CNTN4: variants seen among roughly 807,000 people sequenced by gnomAD.
CNTN4 encodes the protein contactin-4.
In CNTN4, 77 loss-of-function variants were observed where a neutral mutation model predicts 122.5. The observed-to-expected ratio is 0.63, with a 90% confidence interval of 0.52 to 0.76. The LOEUF (loss-of-function observed/expected upper bound fraction) is 0.76, where lower values mean the gene tolerates loss of function less well. CNTN4 is among the 30% of genes least tolerant of loss of function. The pLI, the probability that CNTN4 is intolerant of heterozygous loss-of-function variation, is 0.00. For missense variants in CNTN4, 1,256 were observed against 1,259.1 expected, an observed-to-expected ratio of 1.00 and a Z score of 0.04; for synonymous variants, 512 against 447.0, an observed-to-expected ratio of 1.15 and a Z score of -1.83.
chr3:2,422,555 G>A (rs1287616937), intron 3 of CNTN4, among the ~76,000 whole-genome samples: 1 of 152,158 alleles, frequency 6.6e-6, no homozygotes, highest in African/African-American at 2.4e-5. Context: ...TATATCTAAA[G>A]CCATTGCTTT....
At chr3:2,508,641 C>A (rs2076799679) in intron 3 of CNTN4, among the ~76,000 whole-genome samples, 1 of 152,090 alleles carries the variant, frequency 6.6e-6, no homozygotes, top group African/African-American at 2.4e-5. Flanking sequence ...TTCACAGTTC[C>A]AAAGAGATGC....
chr3:2,158,949 C>G lies in CNTN4; in HGVS notation c.-145+58310C>G, dbSNP rs113510129. On this transcript the variant is annotated intron_variant, in intron 2 of 24. Transcript: ENST00000418658. ...GTGTAAGCATCGTTGGTGGGCTAGA[C>G]AGGACATACCTGTGAGCCAGATTTG... Among the ~76,000 whole-genome samples the G allele has an allele frequency of 4.8e-3, 732 of 152,256 alleles. 4 individuals are homozygous for G. Among genetic ancestry groups the G allele is most frequent in the African/African-American group, 0.017 (701 of 41,528 alleles).
intron 3 of CNTN4, among the ~76,000 whole-genome samples, chr3:2,429,239 G>T (rs1396875477): frequency 6.6e-6 from 1 of 152,128 alleles, no homozygotes; most frequent in Non-Finnish European, 1.5e-5. Context: ...TTTGATGATG[G>T]TGACCTACAG....
At chr3:2,690,503 A>G (rs574028035) in intron 4 of CNTN4, among the ~76,000 whole-genome samples, 2 of 152,296 alleles carry the variant, frequency 1.3e-5, no homozygotes, top group African/African-American at 2.4e-5. Flanking sequence ...CAACATCACA[A>G]TTTAGGCAAA....
intron 5 of CNTN4, among the ~76,000 whole-genome samples, chr3:2,740,527 A>G (rs1362692124): frequency 6.6e-6 from 1 of 152,250 alleles, no homozygotes; most frequent in Non-Finnish European, 1.5e-5. Flanking sequence ...GGAGTGGTAT[A>G]ATCAAAGTAG....
At chr3:2,775,498 C>T (rs986936473) in intron 6 of CNTN4, among the ~76,000 whole-genome samples, 1 of 152,180 alleles carries the variant, frequency 6.6e-6, no homozygotes, top group South Asian at 2.1e-4. Context: ...CGGCCCACTG[C>T]AACCTCTGCC....
At chr3:2,399,175 T>C (rs2046749860) in intron 3 of CNTN4, among the ~76,000 whole-genome samples, 1 of 152,094 alleles carries the variant, frequency 6.6e-6, no homozygotes, top group Non-Finnish European at 1.5e-5. Context: ...AATATCTGTG[T>C]CAGTTTCTCT....
chr3:2,716,390 G>C lies in CNTN4; in HGVS notation c.56-19825G>C, dbSNP rs2087500535. On this transcript the variant is annotated intron_variant, in intron 4 of 24. Transcript: ENST00000418658. ...CTTACAAGATTGTTTTAAGGATTAA[G>C]TGAGATACTCTATGTAAAGCACATT... Among the ~76,000 whole-genome samples, 4 of 151,534 alleles carry C rather than the reference G, an allele frequency of 2.6e-5. No individual in the cohort carries two copies. In the South Asian group the frequency reaches 8.3e-4, roughly 31 times the overall value.
intron 4 of CNTN4, among the ~76,000 whole-genome samples, chr3:2,612,107 T>TACACACACAC (rs58025362): frequency 3.5e-4 from 52 of 150,210 alleles, no homozygotes; most frequent in Middle Eastern, 6.9e-3. Context: ...ATACATATAA[T>TACACACACAC]ACACACACAC....
chr3:2,438,987 A>G lies in CNTN4; in HGVS notation c.-89+99754A>G, dbSNP rs57233436. Among the ~76,000 whole-genome samples, 1,442 of 152,322 alleles carry G rather than the reference A, an allele frequency of 9.5e-3. 28 individuals are homozygous for G. Among genetic ancestry groups the G allele is most frequent in the African/African-American group, 0.033 (1,370 of 41,584 alleles). On this transcript the variant is annotated intron_variant, in intron 3 of 24. Transcript: ENST00000418658. The stretch of plus-strand genomic sequence containing the variant: ...ACTGGGACAGCAAGTGCAAACTAGG[A>G]TAGTCCAGGCTAGACTGTGGCCATG...
chr3:2,579,042 A>G lies in CNTN4; in HGVS notation c.55+7484A>G, dbSNP rs142894616. Among the ~76,000 whole-genome samples the G allele has an allele frequency of 4.9e-3, 753 of 152,352 alleles. 3 individuals carry two copies. The highest frequency in any genetic ancestry group is 0.014 in the Middle Eastern group (4 of 294). On this transcript the variant is annotated intron_variant, in intron 4 of 24. Transcript: ENST00000418658. ...ACTGGCAGCGATTTTATATCCCCATAGGCATGGACATGTAGTAGCAAGCAC... is the reference window on the plus strand; with the variant it reads ...ACTGGCAGCGATTTTATATCCCCATGGGCATGGACATGTAGTAGCAAGCAC...
chr3:2,281,043 G>A (rs997957186), intron 2 of CNTN4, among the ~76,000 whole-genome samples: 4 of 152,162 alleles, frequency 2.6e-5, no homozygotes, highest in Non-Finnish European at 5.9e-5. Context: ...GAAACAGAGA[G>A]ACTGCATACT....
At chr3:2,432,605 C>A (rs1330087193) in intron 3 of CNTN4, among the ~76,000 whole-genome samples, 1 of 147,216 alleles carries the variant, frequency 6.8e-6, no homozygotes, top group Non-Finnish European at 1.5e-5. Flanking sequence ...TGTGTGTGTG[C>A]GTGTGTGTAT....
intron 2 of CNTN4, among the ~76,000 whole-genome samples, chr3:2,160,850 T>C (rs2035936519): frequency 6.6e-6 from 1 of 152,182 alleles, no homozygotes; most frequent in Non-Finnish European, 1.5e-5. Flanking sequence ...TCAATATGTA[T>C]TGAACACCTT....
rs971990126 is a variant in CNTN4 at position 2,666,701 on chromosome 3, C to T, written c.56-69514C>T. Among the ~76,000 whole-genome samples the T allele has an allele frequency of 4.6e-5, 7 of 151,244 alleles. 1 individual carries two copies. The highest frequency in any genetic ancestry group is 3.9e-4 in the East Asian group (2 of 5,134). On this transcript the variant is annotated intron_variant, in intron 4 of 24. Transcript: ENST00000418658. ...GTTGGTGTGCTGCACCCATTAATTC[C>T]TCCTTTACATTAGGTATATCTCCTA... is the stretch of plus-strand genomic sequence containing the variant.
intron 4 of CNTN4, among the ~76,000 whole-genome samples, chr3:2,618,750 C>A (rs113967724): frequency 4.6e-5 from 7 of 152,252 alleles, no homozygotes; most frequent in African/African-American, 1.7e-4. Context: ...AATTGTTTAT[C>A]ATTAGTGAAA....
At chr3:2,993,522 A>G (rs1695240006) in intron 14 of CNTN4, among the ~76,000 whole-genome samples, 1 of 151,472 alleles carries the variant, frequency 6.6e-6, no homozygotes, top group South Asian at 2.1e-4. Context: ...CTGGTTTCGA[A>G]CTCCTGACCT....
intron 6 of CNTN4, among the ~76,000 whole-genome samples, chr3:2,818,917 AG>A (rs2092802010): frequency 6.6e-6 from 1 of 152,218 alleles, no homozygotes; most frequent in Non-Finnish European, 1.5e-5. Flanking sequence ...ATATAAAGAG[AG>A]ACAGTCACAC....
intron 4 of CNTN4, among the ~76,000 whole-genome samples, chr3:2,655,355 T>C (rs776195123): frequency 1.3e-5 from 2 of 152,230 alleles, no homozygotes; most frequent in Non-Finnish European, 2.9e-5. Flanking sequence ...TTTCTATTTT[T>C]AACATTTTTA....
Sources: allele counts gnomAD v4.1 joint callset (sites outside exome capture counted in the v4.1 genomes callset), GRCh38; gene constraint gnomAD v4.1.1; transcripts MANE v1.5; gene names NCBI Gene and HGNC (gene_info 2026-07-23, HGNC 2026-07-21).